GPHN: variants seen among roughly 807,000 people sequenced by gnomAD.
The protein encoded by GPHN is gephyrin.
In GPHN, 17 loss-of-function variants were observed where a neutral mutation model predicts 95.5. The observed-to-expected ratio is 0.18, with a 90% confidence interval of 0.12 to 0.27. The LOEUF (loss-of-function observed/expected upper bound fraction) is 0.27. GPHN is among the 10% of genes least tolerant of loss of function. GPHN has a pLI of 1.00. For synonymous variants in GPHN, 320 were observed against 322.5 expected (o/e 0.99, Z 0.08); for missense variants, 660 against 978.1 (o/e 0.67, Z 4.34).
intron 2 of GPHN, among the ~76,000 whole-genome samples, chr14:66,738,531 C>A (rs917485772): frequency 2.6e-5 from 4 of 151,870 alleles, no homozygotes; most frequent in Admixed American, 1.3e-4. Context: ...TTTTTTATGG[C>A]GTGTGTCTTG....
At chr14:66,593,437 C>T (rs749923175) in intron 1 of GPHN, among the ~76,000 whole-genome samples, 2 of 152,074 alleles carry the variant, frequency 1.3e-5, no homozygotes, top group Non-Finnish European at 2.9e-5. Context: ...GCAGGCATGT[C>T]TTACATGGCA....
the GPHN span, among the ~76,000 whole-genome samples, chr14:67,728,667 G>A: frequency 6.0e-5 from 9 of 148,832 alleles, no homozygotes; most frequent in East Asian, 1.8e-3. Flanking sequence ...CACATAATTG[G>A]TACTGAAAAA....
At chr14:67,124,963 C>G (rs2153693796) in intron 17 of GPHN, among the ~76,000 whole-genome samples, 1 of 152,090 alleles carries the variant, frequency 6.6e-6, no homozygotes, top group Middle Eastern at 3.4e-3. Flanking sequence ...TGGACATTTC[C>G]TAATAATGGT....
the GPHN span, chr14:67,320,527 C>A: frequency 2.4e-6 from 2 of 844,560 alleles, no homozygotes; most frequent in Non-Finnish European, 3.3e-6. Flanking sequence ...GAACTTTAAC[C>A]AAAGATTTTG....
intron 3 of GPHN, among the ~76,000 whole-genome samples, chr14:66,792,524 A>C (rs906799952): frequency 1.3e-5 from 2 of 152,064 alleles, no homozygotes; most frequent in African/African-American, 4.8e-5. Context: ...AAGGAATACT[A>C]TTTTTAAAAA....
chr14:66,579,643 C>A (rs577250217), intron 1 of GPHN, among the ~76,000 whole-genome samples: 1 of 151,810 alleles, frequency 6.6e-6, no homozygotes, highest in African/African-American at 2.4e-5. Flanking sequence ...GTTGGTTAAT[C>A]AAGAAGATAC....
At position 66,786,324 on chromosome 14, in the gene GPHN, T is replaced by C. The variant is rs192424468; in HGVS notation, c.201+9803T>C. Among the ~76,000 whole-genome samples the C allele has an allele frequency of 5.1e-3, 771 of 152,162 alleles. 2 individuals are homozygous for C. Among genetic ancestry groups the C allele is most frequent in the Non-Finnish European group, 8.0e-3 (545 of 67,938 alleles). On this transcript the variant is annotated intron_variant, in intron 3 of 22. Coordinates refer to ENST00000478722, the MANE Select transcript of GPHN (RefSeq NM_020806.5). ...CAATTCCTTGAAAATCACGAACTTC[T>C]AAAACTAACCAAGATGAAATAGACA... is the stretch of plus-strand genomic sequence containing the variant.
chr14:67,729,195 C>T, the GPHN span: 3 of 1,612,638 alleles, frequency 1.9e-6, no homozygotes, highest in African/African-American at 2.7e-5. Flanking sequence ...TCCCAGGCAC[C>T]GGGGTCACCA....
the GPHN span, among the ~76,000 whole-genome samples, chr14:67,651,885 T>C: frequency 1.3e-5 from 2 of 152,228 alleles, no homozygotes; most frequent in African/African-American, 4.8e-5. Context: ...ACTTCTTCCC[T>C]CTGCCCTATT....
chr14:67,548,232 A>T, the GPHN span, among the ~76,000 whole-genome samples: 1 of 152,200 alleles, frequency 6.6e-6, no homozygotes, highest in Non-Finnish European at 1.5e-5. Flanking sequence ...TTCTTGCTAA[A>T]CCTGTTTCTC....
chr14:67,081,082 T>A (rs1382149814), intron 11 of GPHN, among the ~76,000 whole-genome samples: 2 of 152,222 alleles, frequency 1.3e-5, no homozygotes, highest in Non-Finnish European at 2.9e-5. Context: ...CATGTGCAAG[T>A]GTCTTTCATG....
chr14:66,819,374 A>G (rs2061101232), intron 3 of GPHN, among the ~76,000 whole-genome samples: 1 of 152,126 alleles, frequency 6.6e-6, no homozygotes, highest in South Asian at 2.1e-4. Flanking sequence ...TTTTTCAAAG[A>G]TCAGAGAGTT....
chr14:67,573,977 AG>A, the GPHN span: 2 of 928,860 alleles, frequency 2.2e-6, no homozygotes, highest in Middle Eastern at 2.4e-4. The surrounding 1 kb of genome is among the most constrained non-coding windows in gnomAD (Gnocchi z 4.8). Flanking sequence ...GGGCCAAATG[AG>A]CATGAATGAA....
At chr14:67,392,881 G>A in the GPHN span, 8 of 1,562,952 alleles carry the variant, frequency 5.1e-6, no homozygotes, top group South Asian at 8.1e-5. Flanking sequence ...CAGGCGATGG[G>A]TGATGGACCA....
intron 2 of GPHN, among the ~76,000 whole-genome samples, chr14:66,695,019 C>A (rs1016444308): frequency 4.6e-5 from 7 of 151,902 alleles, no homozygotes; most frequent in African/African-American, 1.7e-4. Flanking sequence ...ATTAGCCATG[C>A]GCGGTGGTGC....
At chr14:67,582,431 C>A in the GPHN span, among the ~76,000 whole-genome samples, 4 of 152,164 alleles carry the variant, frequency 2.6e-5, no homozygotes, top group Non-Finnish European at 4.4e-5. This position sits in a 1 kb window ranked among gnomAD's most constrained non-coding sequence, Gnocchi z 5.0. Context: ...AATCCAGAGA[C>A]CTGGGTTTGA....
chr14:66,962,337 G>T (rs373456839), intron 8 of GPHN, among the ~76,000 whole-genome samples: 2,195 of 137,944 alleles, frequency 0.016, 26 homozygotes, highest in Non-Finnish European at 0.019. Context: ...GGCAGTTTTT[G>T]TTTTTTTTTT....
the GPHN span, chr14:67,199,640 C>T: frequency 6.3e-7 from 1 of 1,577,790 alleles, no homozygotes; most frequent in East Asian, 2.2e-5. Context: ...AGCTGGACGA[C>T]TTCTGGCAGC....
chr14:66,820,380 T>G (rs533009120), intron 3 of GPHN, among the ~76,000 whole-genome samples: 1 of 152,250 alleles, frequency 6.6e-6, no homozygotes, highest in East Asian at 1.9e-4. Flanking sequence ...ATATAGTCTT[T>G]GTTGGAATAC....
Sources: allele counts gnomAD v4.1 joint callset (sites outside exome capture counted in the v4.1 genomes callset), GRCh38; gene constraint gnomAD v4.1.1; non-coding constraint Gnocchi (gnomAD v3.1); transcripts MANE v1.5; gene names NCBI Gene and HGNC (gene_info 2026-07-23, HGNC 2026-07-21).